Variants in ANK3 observed in about 807,000 individuals in gnomAD.
ANK3 encodes the protein ankyrin-3.
A neutral mutation model predicts 370.9 loss-of-function variants in ANK3; 57 were observed. The observed-to-expected ratio is 0.15, with a 90% CI of 0.12 to 0.19. The LOEUF (loss-of-function observed/expected upper bound fraction) is 0.19, where lower values mean the gene tolerates loss of function less well. ANK3 is among the 10% of genes least tolerant of loss of function. The pLI is 1.00. For missense variants in ANK3, 4,439 were observed against 5,302.1 expected, an observed-to-expected ratio of 0.84 and a Z score of 5.06; for synonymous variants, 1,929 against 1,946.3, an observed-to-expected ratio of 0.99 and a Z score of 0.23.
intron 2 of ANK3, among the ~76,000 whole-genome samples, chr10:60,447,558 GA>G (rs536821395): frequency 6.9e-4 from 105 of 152,082 alleles, no homozygotes; most frequent in Non-Finnish European, 8.8e-4. Flanking sequence ...ATGTGGGGGG[GA>G]AAAAAAGCAA....
intron 25 of ANK3, among the ~76,000 whole-genome samples, chr10:60,123,881 G>A (rs1025759481): frequency 1.3e-5 from 2 of 152,164 alleles, no homozygotes; most frequent in African/African-American, 4.8e-5. Context: ...CTTGGACAGG[G>A]CCAAGGCAGA....
chr10:60,619,590 A>C (rs1371797644), intron 1 of ANK3, among the ~76,000 whole-genome samples: 1 of 152,216 alleles, frequency 6.6e-6, no homozygotes, highest in Non-Finnish European at 1.5e-5. Flanking sequence ...AATGGAAAGC[A>C]CAATCATGTG....
chr10:60,153,785 G>A (rs78835920), intron 23 of ANK3, among the ~76,000 whole-genome samples: 4,076 of 152,204 alleles, frequency 0.027, 165 homozygotes, highest in African/African-American at 0.093. Context: ...ACTATTCCTT[G>A]AGATGCAGAT....
At chr10:60,658,016 CTT>C (rs34249629) in intron 1 of ANK3, among the ~76,000 whole-genome samples, 44 of 141,368 alleles carry the variant, frequency 3.1e-4, no homozygotes, top group Middle Eastern at 3.7e-3. Flanking sequence ...GCCATTCCAA[CTT>C]TTTTTTTTTT....
chr10:60,320,963 A>G (rs1271718261), intron 1 of ANK3, among the ~76,000 whole-genome samples: 1 of 152,184 alleles, frequency 6.6e-6, no homozygotes, highest in Non-Finnish European at 1.5e-5. Flanking sequence ...CTGGTTGAAA[A>G]TCACTATTAC....
At chr10:60,529,736 G>A (rs2076560752) in intron 2 of ANK3, among the ~76,000 whole-genome samples, 1 of 152,128 alleles carries the variant, frequency 6.6e-6, no homozygotes, top group Non-Finnish European at 1.5e-5. Context: ...TGGCATATAT[G>A]AGATGTGACA....
At chr10:60,407,632 A>G (rs1404095311) in intron 2 of ANK3, among the ~76,000 whole-genome samples, 2 of 152,222 alleles carry the variant, frequency 1.3e-5, no homozygotes, top group African/African-American at 4.8e-5. Flanking sequence ...AAGCTGCTAC[A>G]TGCCAAGATT....
chr10:60,575,036 GT>G (rs1256332207), intron 2 of ANK3, among the ~76,000 whole-genome samples: 10 of 152,120 alleles, frequency 6.6e-5, no homozygotes, highest in African/African-American at 2.4e-4. Context: ...AAATTTACAA[GT>G]TAATTGGGAT....
intron 1 of ANK3, among the ~76,000 whole-genome samples, chr10:60,709,882 T>G (rs2079678262): frequency 6.6e-6 from 1 of 151,994 alleles, no homozygotes; most frequent in Non-Finnish European, 1.5e-5. Context: ...AATATATATT[T>G]ATAGTTCCAT....
At position 60,250,616 on chromosome 10, in the gene ANK3, T is replaced by C. The variant is rs180703972; in HGVS notation, c.798+11243A>G. 2.5e-3 allele frequency among the ~76,000 whole-genome samples: 377 copies of C among 152,236 alleles called. 2 individuals are homozygous for C. The highest frequency in any genetic ancestry group is 8.7e-3 in the African/African-American group (361 of 41,542). On this transcript the variant is annotated intron_variant, in intron 7 of 43. Coordinates refer to ENST00000280772, the MANE Select transcript of ANK3 (RefSeq NM_020987.5). Reference sequence around the variant, plus strand: ...TCCTGACCTTGTGATCTGCCCTCCTTGGCCTCCCAAAGTTCTGGGATTACG... The same window carrying C: ...TCCTGACCTTGTGATCTGCCCTCCTCGGCCTCCCAAAGTTCTGGGATTACG...
intron 2 of ANK3, among the ~76,000 whole-genome samples, chr10:60,566,612 C>T (rs1938537): frequency 0.47 from 71,575 of 152,054 alleles, 17,246 homozygotes; most frequent in Non-Finnish European, 0.52. Flanking sequence ...GGAGCTCACA[C>T]CTGTAATTCC....
At chr10:60,318,892 T>C (rs573850758) in intron 1 of ANK3, among the ~76,000 whole-genome samples, 1 of 152,212 alleles carries the variant, frequency 6.6e-6, no homozygotes, top group Non-Finnish European at 1.5e-5. Flanking sequence ...CTTTCCTGAA[T>C]CTAAGAAACA....
intron 2 of ANK3, among the ~76,000 whole-genome samples, chr10:60,432,989 A>G (rs1435703855): frequency 6.6e-6 from 1 of 152,172 alleles, no homozygotes; most frequent in African/African-American, 2.4e-5. Context: ...GGCCACAGCG[A>G]TAGAGTCCCT....
chr10:60,036,281 G>C lies in ANK3; in HGVS notation c.*19+6391C>G, dbSNP rs1235754249. Among the ~76,000 whole-genome samples, 7 of 152,048 alleles carry C rather than the reference G, an allele frequency of 4.6e-5. No homozygotes were observed. In the South Asian group the frequency reaches 1.5e-3, roughly 32 times the overall value. On this transcript the variant is annotated intron_variant, in intron 43 of 43. Transcript: ENST00000280772. Reference sequence around the variant, plus strand: ...AGCCATCACTGGCTGCTGCTGCTTAGTCCACCAGCCTCTGTAATCCAAAGC... The same window carrying C: ...AGCCATCACTGGCTGCTGCTGCTTACTCCACCAGCCTCTGTAATCCAAAGC...
Position 60,186,920 on chromosome 10 carries a change from C to A in ANK3, c.1888-8G>T. ...CAGTGGCGTATAACCATTCTGTCAA[C>A]ACAAATCACTTGGTCACATGCCCAG... On this transcript the variant is annotated splice_polypyrimidine_tract_variant and splice_region_variant and intron_variant, in intron 16 of 43. Coordinates refer to ENST00000280772, the MANE Select transcript of ANK3 (RefSeq NM_020987.5). 6.2e-7 allele frequency: 1 copy of A among 1,613,826 alleles called. No homozygotes were observed. Among genetic ancestry groups the A allele is most frequent in the Non-Finnish European group, 8.5e-7 (1 of 1,179,792 alleles).
At chr10:60,646,041 T>G (rs1181058768) in intron 1 of ANK3, among the ~76,000 whole-genome samples, 2 of 149,122 alleles carry the variant, frequency 1.3e-5, no homozygotes, top group Admixed American at 1.4e-4. Context: ...GAAGGAGCTC[T>G]TAGGAAAGTG....
chr10:60,484,539 AC>A (rs1424076757), intron 2 of ANK3, among the ~76,000 whole-genome samples: 1 of 151,720 alleles, frequency 6.6e-6, no homozygotes, highest in African/African-American at 2.4e-5. Flanking sequence ...GTGGTTCATT[AC>A]ATTATTCTCT....
rs1183342016 is a variant in ANK3 at position 60,304,757 on chromosome 10, A to C, written c.115-25118T>G. On this transcript the variant is annotated intron_variant, in intron 1 of 43. Coordinates refer to ENST00000280772, the MANE Select transcript of ANK3 (RefSeq NM_020987.5). Reference sequence around the variant, plus strand: ...TATTTGCCACTGTTTGAAAATTGAGAGACTGCACATCAAAATCTAGAGTTC... The same window carrying C: ...TATTTGCCACTGTTTGAAAATTGAGCGACTGCACATCAAAATCTAGAGTTC... 2.6e-5 allele frequency among the ~76,000 whole-genome samples: 4 copies of C among 152,320 alleles called. 1 individual carries two copies. In the South Asian group the frequency reaches 8.3e-4, roughly 32 times the overall value.
chr10:60,546,795 A>T (rs1416089224), intron 2 of ANK3, among the ~76,000 whole-genome samples: 2 of 152,164 alleles, frequency 1.3e-5, no homozygotes. Context: ...AAAAGAAAAG[A>T]TCAAGAAAGT....
Sources: allele counts gnomAD v4.1 joint callset (sites outside exome capture counted in the v4.1 genomes callset), GRCh38; gene constraint gnomAD v4.1.1; transcripts MANE v1.5; gene names NCBI Gene and HGNC (gene_info 2026-07-23, HGNC 2026-07-21).